Variants in KCNN3 observed in about 807,000 individuals in gnomAD.
The protein encoded by KCNN3 is small conductance calcium-activated potassium channel protein 3.
KCNN3 carries 16 observed loss-of-function variants against 62.9 expected under a neutral mutation model. The observed-to-expected ratio is 0.25, with a 90% CI of 0.17 to 0.39. KCNN3 has a LOEUF of 0.39. Among genes scored for constraint, KCNN3 ranks in the 10% least tolerant of loss-of-function variants. The pLI is 1.00. For missense variants in KCNN3, 599 were observed against 949.4 expected (o/e 0.63, Z 4.85); for synonymous variants, 370 against 389.2 (o/e 0.95, Z 0.58).
intron 6 of KCNN3, among the ~76,000 whole-genome samples, chr1:154,714,450 T>C (rs1700176908): frequency 8.9e-6 from 1 of 112,596 alleles, no homozygotes; most frequent in Non-Finnish European, 1.9e-5. Flanking sequence ...GGTGTGTGTG[T>C]GGTGTTTGTG....
intron 5 of KCNN3, among the ~76,000 whole-genome samples, chr1:154,715,915 G>A (rs886666998): frequency 1.3e-5 from 2 of 152,162 alleles, no homozygotes; most frequent in Non-Finnish European, 2.9e-5. Flanking sequence ...AGGTACCAAC[G>A]AGCCCATTGT....
At chr1:154,811,868 CAG>C (rs1465484842) in intron 2 of KCNN3, among the ~76,000 whole-genome samples, 11 of 152,316 alleles carry the variant, frequency 7.2e-5, no homozygotes, top group Middle Eastern at 6.8e-3. Context: ...TACAAATTCT[CAG>C]AGAGTCAATG....
At chr1:154,780,522 G>A (rs116715242) in intron 2 of KCNN3, among the ~76,000 whole-genome samples, 5,681 of 148,688 alleles carry the variant, frequency 0.038, 157 homozygotes, top group Non-Finnish European at 0.06. Flanking sequence ...TTAAAAAAAC[G>A]ACACAGAAAC....
At chr1:154,846,884 C>G (rs981117938) in intron 1 of KCNN3, among the ~76,000 whole-genome samples, 56 of 152,318 alleles carry the variant, frequency 3.7e-4, no homozygotes, top group South Asian at 6.2e-4. Flanking sequence ...AGACCTATCA[C>G]TATGTTGTGA....
At chr1:154,769,600 G>C (rs990969802) in intron 3 of KCNN3, among the ~76,000 whole-genome samples, 2 of 152,204 alleles carry the variant, frequency 1.3e-5, no homozygotes, top group African/African-American at 4.8e-5. Context: ...ACCCCTTCTT[G>C]TGATAGGTTC....
chr1:154,752,823 G>A (rs1315118093), intron 3 of KCNN3, among the ~76,000 whole-genome samples: 1 of 152,158 alleles, frequency 6.6e-6, no homozygotes, highest in Non-Finnish European at 1.5e-5. Flanking sequence ...TTCCATCAGG[G>A]AAATGGAGAT....
chr1:154,852,800 G>T (rs1343321630), intron 1 of KCNN3, among the ~76,000 whole-genome samples: 1 of 152,050 alleles, frequency 6.6e-6, no homozygotes, highest in African/African-American at 2.4e-5. Flanking sequence ...AATTTAAAAT[G>T]ACAGCGGTAG....
At chr1:154,823,685 T>C (rs1184501743) in intron 1 of KCNN3, among the ~76,000 whole-genome samples, 1 of 152,048 alleles carries the variant, frequency 6.6e-6, no homozygotes, top group African/African-American at 2.4e-5. Flanking sequence ...CAAGGTAAGG[T>C]AGAGTATGAT....
rs1700634350 is a variant in KCNN3, at chr1:154,733,155, G to C, written c.1449-11C>G. 1 of 1,614,170 alleles carries C rather than the reference G, an allele frequency of 6.2e-7. No homozygotes were observed. Among genetic ancestry groups the C allele is most frequent in the Non-Finnish European group, 8.5e-7 (1 of 1,180,002 alleles). On this transcript the variant is annotated splice_polypyrimidine_tract_variant and intron_variant, in intron 3 of 7. Coordinates refer to ENST00000271915, the MANE Select transcript of KCNN3 (RefSeq NM_002249.6). Reference sequence around the variant, plus strand: ...TGCTGGTCATGGTACCTGCCAATGGGAAGACAGGAGTTAGTCGATGAACAG... The same window carrying C: ...TGCTGGTCATGGTACCTGCCAATGGCAAGACAGGAGTTAGTCGATGAACAG...
chr1:154,843,113 A>G (rs1196525876), intron 1 of KCNN3, among the ~76,000 whole-genome samples: 1 of 152,142 alleles, frequency 6.6e-6, no homozygotes, highest in Non-Finnish European at 1.5e-5. Flanking sequence ...CAGCCCATAG[A>G]CATAGATGCT....
chr1:154,760,773 T>A (rs913278409), intron 3 of KCNN3, among the ~76,000 whole-genome samples: 1 of 152,176 alleles, frequency 6.6e-6, no homozygotes, highest in African/African-American at 2.4e-5. Flanking sequence ...ACGTCCCCTG[T>A]GGAGCTCCAC....
intron 3 of KCNN3, among the ~76,000 whole-genome samples, chr1:154,759,103 C>T (rs1252587153): frequency 1.3e-5 from 2 of 151,946 alleles, no homozygotes; most frequent in Admixed American, 1.3e-4. Flanking sequence ...CCACCATGCC[C>T]GGCCAAAAAA....
At chr1:154,804,236 T>C (rs7550076) in intron 2 of KCNN3, among the ~76,000 whole-genome samples, 1 of 152,218 alleles carries the variant, frequency 6.6e-6, no homozygotes, top group African/African-American at 2.4e-5. Flanking sequence ...GATTAATGCG[T>C]TCACTCACAA....
intron 7 of KCNN3, among the ~76,000 whole-genome samples, chr1:154,709,290 C>T (rs1700026565): frequency 1.3e-5 from 2 of 152,154 alleles, no homozygotes. Flanking sequence ...CATCTTCAGC[C>T]TCCCACGTGT....
intron 2 of KCNN3, among the ~76,000 whole-genome samples, chr1:154,800,840 T>C (rs1415391657): frequency 6.6e-6 from 1 of 151,840 alleles, no homozygotes; most frequent in Non-Finnish European, 1.5e-5. Context: ...AGCTCACGAG[T>C]TTGAGACCAG....
At position 154,698,256 on chromosome 1, in the gene KCNN3, A is replaced by G. The variant is rs1017783349; in HGVS notation, c.*9720T>C. On this transcript the variant is annotated 3_prime_UTR_variant, in exon 8 of 8. Transcript: ENST00000271915. ...TTTATGGGAAGGAAAGTAAGGGTAC[A>G]GGGTTTTCAACTTGGGGAAATTCAT... 1 of 152,188 alleles carries G rather than the reference A, an allele frequency of 6.6e-6. No individual in the cohort carries two copies. Among genetic ancestry groups the G allele is most frequent in the Non-Finnish European group, 1.5e-5 (1 of 68,030 alleles). 9.4% of individuals were successfully genotyped at this position (152,188 alleles called of 1,614,324 possible). A position where few individuals can be genotyped will look rare whatever the true frequency, so the allele number is the denominator to read the frequency against.
At chr1:154,727,704 T>C (rs1472189635) in intron 4 of KCNN3, among the ~76,000 whole-genome samples, 1 of 152,030 alleles carries the variant, frequency 6.6e-6, no homozygotes, top group African/African-American at 2.4e-5. Flanking sequence ...TACAGGAGAC[T>C]CTGTGCCCAA....
At chr1:154,776,407 A>C (rs1648792480) in intron 2 of KCNN3, among the ~76,000 whole-genome samples, 1 of 150,920 alleles carries the variant, frequency 6.6e-6, no homozygotes, top group Non-Finnish European at 1.5e-5. Context: ...ACTCGTAAAC[A>C]GTGTGTGTAA....
rs767463307 is a variant in KCNN3, at chr1:154,733,162, G to A, written c.1449-18C>T. ...CATGGTACCTGCCAATGGGAAGACA[G>A]GAGTTAGTCGATGAACAGCCATTCC... On this transcript the variant is annotated intron_variant, in intron 3 of 7. Coordinates refer to ENST00000271915, the MANE Select transcript of KCNN3 (RefSeq NM_002249.6). The A allele has an allele frequency of 6.2e-7, 1 of 1,614,144 alleles. No individual in the cohort carries two copies. Among genetic ancestry groups the A allele is most frequent in the African/African-American group, 1.3e-5 (1 of 75,056 alleles).
Sources: gnomAD v4.1 joint callset for allele counts (sites outside exome capture counted in the v4.1 genomes callset) on GRCh38, gnomAD v4.1.1 for gene constraint, MANE v1.5 for transcripts, NCBI Gene and HGNC (gene_info 2026-07-23, HGNC 2026-07-21) for gene names.